Variants in NEIL2 observed in about 807,000 individuals in gnomAD.
NEIL2 encodes endonuclease 8-like 2.
NEIL2 carries 23 observed loss-of-function variants against 22.2 expected under a neutral mutation model. That is an observed-to-expected ratio of 1.04 (90% CI 0.75 to 1.47). NEIL2 has a LOEUF of 1.47. Among genes scored for constraint, NEIL2 ranks in the 40% most tolerant of loss-of-function variants. The pLI is 0.00. For synonymous variants in NEIL2, 229 were observed against 164.8 expected, an observed-to-expected ratio of 1.39 and a Z score of -2.99; for missense variants, 583 against 404.7, an observed-to-expected ratio of 1.44 and a Z score of -3.78.
chr8:11,781,583 C>T (rs1182509147), intron 3 of NEIL2, among the ~76,000 whole-genome samples: 3 of 152,206 alleles, frequency 2.0e-5, no homozygotes, highest in East Asian at 3.8e-4. Flanking sequence ...AGGAGGCTCA[C>T]CCCTAGGTTT....
intron 4 of NEIL2, among the ~76,000 whole-genome samples, chr8:11,783,694 C>T (rs920088295): frequency 1.6e-4 from 24 of 152,186 alleles, no homozygotes; most frequent in East Asian, 9.6e-4. Flanking sequence ...GTCATGTCTC[C>T]GGCACCTCTG....
rs569826391 is a variant in NEIL2, at chr8:11,774,786, C to G, written c.138+3201C>G. 4.6e-5 allele frequency among the ~76,000 whole-genome samples: 7 copies of G among 152,374 alleles called. No homozygotes were observed. The South Asian group carries it at 1.4e-3, about 32-fold the overall frequency. ...GAAATTGGCCAAAACGAAGGGGCTA[C>G]AGGCCCCATGCAAGTCTGAAATCCA... On this transcript the variant is annotated intron_variant, in intron 2 of 4. Coordinates refer to ENST00000284503, the MANE Select transcript of NEIL2 (RefSeq NM_145043.4).
At chr8:11,771,898 G>A (rs759319317) in intron 2 of NEIL2, among the ~76,000 whole-genome samples, 4 of 152,182 alleles carry the variant, frequency 2.6e-5, no homozygotes, top group Non-Finnish European at 4.4e-5. Context: ...CTGAGCCAGT[G>A]GAGAATTAAG....
intron 2 of NEIL2, among the ~76,000 whole-genome samples, chr8:11,775,382 C>T (rs1336567151): frequency 2.0e-5 from 3 of 152,220 alleles, no homozygotes; most frequent in Non-Finnish European, 4.4e-5. Flanking sequence ...GGACACAGGG[C>T]ACCAAGTCCC....
Position 11,786,621 on chromosome 8 carries a change from G to T in NEIL2, c.*348G>T. On this transcript the variant is annotated 3_prime_UTR_variant, in exon 5 of 5. Transcript: ENST00000284503. ...GTGCTCCCAACATAGCTTTGCAGAT[G>T]ATGTGGGTTTTTTTTTTTTTTTTGG... 1.6e-5 allele frequency: 4 copies of T among 254,198 alleles called. No individual in the cohort carries two copies. Among genetic ancestry groups the T allele is most frequent in the Non-Finnish European group, 2.2e-5 (3 of 135,572 alleles). 15.7% of individuals were successfully genotyped at this position (254,198 alleles called of 1,614,324 possible). A position where few individuals can be genotyped will look rare whatever the true frequency, so the allele number is the denominator to read the frequency against.
chr8:11,771,924 G>T (rs1803486857), intron 2 of NEIL2, among the ~76,000 whole-genome samples: 1 of 152,164 alleles, frequency 6.6e-6, no homozygotes, highest in South Asian at 2.1e-4. Flanking sequence ...AGCAGAACCG[G>T]CTGGGCACGG....
At chr8:11,774,901 G>C (rs1399567986) in intron 2 of NEIL2, among the ~76,000 whole-genome samples, 1 of 152,224 alleles carries the variant, frequency 6.6e-6, no homozygotes, top group Non-Finnish European at 1.5e-5. Context: ...AGACTCCCAC[G>C]GCCTTGGGCA....
At chr8:11,777,781 T>C (rs1804041404) in intron 2 of NEIL2, among the ~76,000 whole-genome samples, 1 of 152,252 alleles carries the variant, frequency 6.6e-6, no homozygotes, top group Non-Finnish European at 1.5e-5. Flanking sequence ...ATAAGCAATG[T>C]AAGTCTATTT....
chr8:11,778,290 G>GTTTTTTTTTTTTTTTTTTTTTT (rs34908835), intron 2 of NEIL2, among the ~76,000 whole-genome samples: 5 of 130,302 alleles, frequency 3.8e-5, no homozygotes, highest in Non-Finnish European at 6.6e-5. Flanking sequence ...TCCTTGCTCA[G>GTTTTTTTTTTTTTTTTTTTTTT]TTTTTTTTTT....
At chr8:11,779,500 G>C (rs1269375053) in intron 2 of NEIL2, 98 bp from the exon 3 acceptor site, 2 of 990,122 alleles carry the variant, frequency 2.0e-6, no homozygotes, top group African/African-American at 3.2e-5. Flanking sequence ...CCCCCAGGAG[G>C]GGTGAGAAGG....
At chr8:11,779,418 C>T (rs895252784) in intron 2 of NEIL2, among the ~76,000 whole-genome samples, 180 bp from the exon 3 acceptor site, 6 of 152,290 alleles carry the variant, frequency 3.9e-5, no homozygotes, top group African/African-American at 1.4e-4. Context: ...CTTTGAAAAC[C>T]ACATGCGAAC....
intron 4 of NEIL2, among the ~76,000 whole-genome samples, chr8:11,785,209 T>C (rs1804796024): frequency 1.3e-5 from 2 of 151,564 alleles, no homozygotes; most frequent in Admixed American, 1.3e-4. Context: ...AAAAAAATTT[T>C]TTTTGAGACA....
At chr8:11,783,140 C>T in intron 3 of NEIL2, 63 bp from the exon 4 acceptor site, 2 of 1,454,202 alleles carry the variant, frequency 1.4e-6, no homozygotes, top group Admixed American at 3.3e-5. Flanking sequence ...GACCCAGCCA[C>T]AGGGTGTGCT....
intron 2 of NEIL2, among the ~76,000 whole-genome samples, chr8:11,774,708 C>T (rs1172834108): frequency 1.3e-5 from 2 of 152,182 alleles, no homozygotes; most frequent in Non-Finnish European, 2.9e-5. Context: ...TAGTTACTTC[C>T]TAGATACAAT....
At position 11,786,560 on chromosome 8, in the gene NEIL2, T is replaced by C; in HGVS notation, c.*287T>C. The C allele has an allele frequency of 4.2e-6, 2 of 481,090 alleles. No individual in the cohort carries two copies. The highest frequency in any genetic ancestry group is 4.3e-5 in the South Asian group (2 of 46,466). The allele number at this position is 481,090 out of a possible 1,614,324, so 29.8% of individuals were successfully genotyped here. ...AAGGGGAAAACTTCCCGGAAGGCAA[T>C]GGGGCAAGGAAAAAGAAAGCCTATG... On this transcript the variant is annotated 3_prime_UTR_variant, in exon 5 of 5. Coordinates refer to ENST00000284503, the MANE Select transcript of NEIL2 (RefSeq NM_145043.4).
chr8:11,782,286 G>T (rs1293709885), intron 3 of NEIL2, among the ~76,000 whole-genome samples: 3 of 152,032 alleles, frequency 2.0e-5, no homozygotes, highest in Non-Finnish European at 4.4e-5. Flanking sequence ...TTAGCCAGGT[G>T]TGGTGGTATG....
At chr8:11,782,220 C>T (rs752486184) in intron 3 of NEIL2, among the ~76,000 whole-genome samples, 5 of 151,932 alleles carry the variant, frequency 3.3e-5, no homozygotes, top group Non-Finnish European at 5.9e-5. Context: ...GTCAGGAGTT[C>T]GAGACCAGCC....
chr8:11,779,226 G>A (rs1166699552), intron 2 of NEIL2, among the ~76,000 whole-genome samples: 1 of 152,090 alleles, frequency 6.6e-6, no homozygotes, highest in African/African-American at 2.4e-5. Context: ...GCATTCCCAC[G>A]CACCGCTTAT....
At chr8:11,775,731 T>A (rs1398870142) in intron 2 of NEIL2, among the ~76,000 whole-genome samples, 1 of 152,228 alleles carries the variant, frequency 6.6e-6, no homozygotes, top group African/African-American at 2.4e-5. Flanking sequence ...AAGTTCAAAT[T>A]TCCATAGATC....
Sources: allele counts gnomAD v4.1 joint callset (sites outside exome capture counted in the v4.1 genomes callset), GRCh38; gene constraint gnomAD v4.1.1; transcripts MANE v1.5; gene names NCBI Gene and HGNC (gene_info 2026-07-23, HGNC 2026-07-21).